The following CAST variants were observed in gnomAD, a reference collection of about 807,000 sequenced individuals.
CAST encodes the protein calpastatin, also known as MIR583 host.
Under a neutral mutation model 119.6 loss-of-function variants are expected in CAST, and 76 were observed. The observed-to-expected ratio is 0.64, with a 90% CI of 0.53 to 0.77. The LOEUF is 0.77. CAST is among the 30% of genes least tolerant of loss of function. The pLI is 0.00. For missense variants in CAST, 953 were observed against 946.5 expected (o/e 1.01, Z -0.09); for synonymous variants, 319 against 331.6 (o/e 0.96, Z 0.41).
At chr5:96,169,969 T>C in the CAST span, among the ~76,000 whole-genome samples, 2 of 152,094 alleles carry the variant, frequency 1.3e-5, no homozygotes, top group Non-Finnish European at 2.9e-5. Context: ...AGCCTGGCCG[T>C]CAATACCCAC....
the CAST span, among the ~76,000 whole-genome samples, chr5:96,103,828 G>A: frequency 2.7e-5 from 4 of 150,744 alleles, no homozygotes; most frequent in Middle Eastern, 3.4e-3. Flanking sequence ...CAGTGTAAAA[G>A]TGTTCCTATT....
the CAST span, among the ~76,000 whole-genome samples, chr5:96,134,396 G>A: frequency 1.2e-4 from 18 of 152,256 alleles, no homozygotes; most frequent in African/African-American, 2.2e-4. Context: ...GTGAAAAGTC[G>A]CTTTACTGAA....
chr5:96,293,418 C>T, the CAST span, among the ~76,000 whole-genome samples: 1 of 152,088 alleles, frequency 6.6e-6, no homozygotes, highest in Non-Finnish European at 1.5e-5. Flanking sequence ...GCTGGGATTA[C>T]AGGCACCCAC....
At chr5:96,189,207 T>C in the CAST span, among the ~76,000 whole-genome samples, 1 of 152,232 alleles carries the variant, frequency 6.6e-6, no homozygotes, top group African/African-American at 2.4e-5. Context: ...ATCTTCATCT[T>C]TCTTGGTTTT....
the CAST span, among the ~76,000 whole-genome samples, chr5:96,326,286 C>T: frequency 2.6e-5 from 4 of 152,170 alleles, no homozygotes; most frequent in African/African-American, 7.2e-5. Context: ...TATCATCTCA[C>T]GTTGAATGAC....
chr5:96,534,211 G>A (rs1192445743), intron 1 of CAST, among the ~76,000 whole-genome samples: 2 of 152,010 alleles, frequency 1.3e-5, no homozygotes, highest in Admixed American at 6.5e-5. Context: ...ACATTGAATC[G>A]ACATTTTCCA....
intron 1 of CAST, among the ~76,000 whole-genome samples, chr5:96,635,475 C>G (rs987514491): frequency 6.6e-6 from 1 of 152,138 alleles, no homozygotes; most frequent in Non-Finnish European, 1.5e-5. Flanking sequence ...GACTCCATCT[C>G]TCTGGGTTGA....
intron 24 of CAST, among the ~76,000 whole-genome samples, chr5:96,758,201 AAT>A (rs1469189962): frequency 1.3e-5 from 2 of 152,144 alleles, no homozygotes; most frequent in Non-Finnish European, 2.9e-5. Context: ...AGAGAATTTA[AAT>A]GTAAGCTTAT....
the CAST span, chr5:96,433,070 G>T: frequency 6.2e-7 from 1 of 1,607,566 alleles, no homozygotes; most frequent in Non-Finnish European, 8.5e-7. Flanking sequence ...GAACAAGAGT[G>T]GGAAGGGAAG....
the CAST span, chr5:96,393,281 C>G: frequency 6.2e-6 from 10 of 1,613,866 alleles, no homozygotes; most frequent in Non-Finnish European, 8.5e-6. Context: ...GGAAGGGGCT[C>G]CCTCCTCCAA....
At chr5:96,033,636 A>T in the CAST span, among the ~76,000 whole-genome samples, 1 of 150,230 alleles carries the variant, frequency 6.7e-6, no homozygotes, top group South Asian at 2.1e-4. Context: ...CATACCATAT[A>T]AAAAAATCAA....
chr5:96,757,767 C>T (rs1008887055), intron 24 of CAST, 113 bp downstream of exon 24: 23 of 684,448 alleles, frequency 3.4e-5, no homozygotes, highest in Non-Finnish European at 4.7e-5. Context: ...CTTCAGTCAC[C>T]GCAACCTCCA....
the CAST span, among the ~76,000 whole-genome samples, chr5:96,211,974 T>C: frequency 6.6e-6 from 1 of 152,152 alleles, no homozygotes; most frequent in African/African-American, 2.4e-5. Flanking sequence ...TCTGTCATGA[T>C]ATTCCCTGTT....
chr5:96,763,629 T>A (rs1039983770), intron 25 of CAST, among the ~76,000 whole-genome samples: 1 of 152,206 alleles, frequency 6.6e-6, no homozygotes, highest in Non-Finnish European at 1.5e-5. Context: ...TTTGAAGATG[T>A]CACTAAAACA....
the CAST span, among the ~76,000 whole-genome samples, chr5:96,143,229 T>C: frequency 4.6e-5 from 7 of 152,194 alleles, no homozygotes; most frequent in African/African-American, 7.2e-5. Context: ...CCCACATGAC[T>C]CTATTACAGG....
chr5:96,344,967 G>A, the CAST span, among the ~76,000 whole-genome samples: 43 of 152,270 alleles, frequency 2.8e-4, no homozygotes, highest in African/African-American at 9.1e-4. Flanking sequence ...TGATTTGGTC[G>A]AAGTCTTGCC....
chr5:96,760,968 C>G (rs1398723533), intron 24 of CAST: 1 of 151,922 alleles, frequency 6.6e-6, no homozygotes, highest in Admixed American at 6.6e-5. Context: ...CAACTAAACA[C>G]TAGCATATGT....
At chr5:96,459,742 G>T in the CAST span, among the ~76,000 whole-genome samples, 1 of 152,104 alleles carries the variant, frequency 6.6e-6, no homozygotes, top group Non-Finnish European at 1.5e-5. Flanking sequence ...ACTTAATTCT[G>T]GACTGCTTAC....
chr5:96,187,629 A>T, the CAST span, among the ~76,000 whole-genome samples: 1 of 151,860 alleles, frequency 6.6e-6, no homozygotes, highest in Non-Finnish European at 1.5e-5. Context: ...AGCAGGAACA[A>T]CTCTCTCTTG....
Sources: allele counts gnomAD v4.1 joint callset (sites outside exome capture counted in the v4.1 genomes callset), GRCh38; gene constraint gnomAD v4.1.1; transcripts MANE v1.5; gene names NCBI Gene and HGNC (gene_info 2026-07-23, HGNC 2026-07-21).